The following ZNF106 variants were observed in gnomAD, a reference collection of about 807,000 sequenced individuals.
ZNF106 encodes the protein zinc finger protein 106.
In ZNF106, 67 loss-of-function variants were observed where a neutral mutation model predicts 195.1. The ratio of observed to expected loss-of-function variants is 0.34; its 90% CI spans 0.28 to 0.42. The LOEUF is 0.42. Among genes scored for constraint, ZNF106 ranks in the 10% least tolerant of loss-of-function variants. ZNF106 has a pLI of 1.00. For synonymous variants in ZNF106, 784 were observed against 818.6 expected (o/e 0.96, Z 0.72); for missense variants, 2,118 against 2,304.5 (o/e 0.92, Z 1.66).
At chr15:42,457,468 C>T (rs1052707579) in intron 3 of ZNF106, 50 of 1,236,582 alleles carry the variant, frequency 4.0e-5, no homozygotes, top group South Asian at 1.3e-4. Context: ...AAAGGGGAGG[C>T]AGGGCAGGGG....
intron 2 of ZNF106, among the ~76,000 whole-genome samples, chr15:42,467,812 AAAAC>A (rs1156429989): frequency 1.3e-5 from 2 of 152,138 alleles, no homozygotes; most frequent in Admixed American, 1.3e-4. Flanking sequence ...TCTGTCTCAA[AAAAC>A]AAACAAACAA....
chr15:42,476,768 C>T (rs1332016596), intron 1 of ZNF106, among the ~76,000 whole-genome samples: 5 of 152,094 alleles, frequency 3.3e-5, no homozygotes. Context: ...GTAGCAGAGG[C>T]AGAGAAAAAT....
chr15:42,490,502 C>T (rs1193727536), intron 1 of ZNF106: 2 of 152,142 alleles, frequency 1.3e-5, no homozygotes, highest in Non-Finnish European at 2.9e-5. Context: ...TAAACGGACA[C>T]AGTAAGCTGT....
At chr15:42,477,665 G>C (rs980815011) in intron 1 of ZNF106, among the ~76,000 whole-genome samples, 1 of 152,118 alleles carries the variant, frequency 6.6e-6, no homozygotes, top group African/African-American at 2.4e-5. Flanking sequence ...GAGGCAGGTG[G>C]ATCACCTGAG....
chr15:42,471,110 T>C (rs184351593), intron 2 of ZNF106, among the ~76,000 whole-genome samples: 4 of 152,314 alleles, frequency 2.6e-5, no homozygotes, highest in Admixed American at 1.3e-4. Context: ...AGATGAGCCT[T>C]CTTGCCAACT....
chr15:42,480,677 T>C (rs1595498305), intron 1 of ZNF106, among the ~76,000 whole-genome samples: 1 of 152,268 alleles, frequency 6.6e-6, no homozygotes, highest in Middle Eastern at 3.4e-3. Flanking sequence ...ACCATTATAC[T>C]CTTTACTGTG....
chr15:42,444,140 C>T, intron 9 of ZNF106, 62 bp downstream of exon 9: 1 of 540,228 alleles, frequency 1.9e-6, no homozygotes, highest in Non-Finnish European at 2.9e-6. Context: ...AAAAAAAAAG[C>T]AGAGAAAACA....
At chr15:42,490,756 C>G (rs1238000160) in intron 1 of ZNF106, among the ~76,000 whole-genome samples, 2 of 152,174 alleles carry the variant, frequency 1.3e-5, no homozygotes, top group Non-Finnish European at 2.9e-5. Context: ...GGGAGCAGAG[C>G]TGGAACGCCC....
At chr15:42,489,309 C>G (rs2057088060) in intron 1 of ZNF106, among the ~76,000 whole-genome samples, 2 of 151,844 alleles carry the variant, frequency 1.3e-5, no homozygotes, top group Admixed American at 1.3e-4. Flanking sequence ...TCCCAAGTAG[C>G]TGGAATTACA....
chr15:42,487,382 G>A (rs1209404209), intron 1 of ZNF106, among the ~76,000 whole-genome samples: 1 of 146,262 alleles, frequency 6.8e-6, no homozygotes, highest in East Asian at 2.0e-4. Context: ...CAGCTACTAA[G>A]AAGGCTGAGG....
At chr15:42,456,564 A>G (rs1595476437) in intron 4 of ZNF106, among the ~76,000 whole-genome samples, 2 of 152,148 alleles carry the variant, frequency 1.3e-5, no homozygotes, top group South Asian at 4.2e-4. Context: ...AGGCAGGAGA[A>G]TTGCTTGAAC....
intron 1 of ZNF106, among the ~76,000 whole-genome samples, chr15:42,485,255 T>C (rs2056986735): frequency 6.6e-6 from 1 of 152,228 alleles, no homozygotes; most frequent in East Asian, 1.9e-4. Context: ...GAACATCTTC[T>C]GGGACATTAG....
chr15:42,435,999 G>C (rs2055259488), intron 13 of ZNF106, among the ~76,000 whole-genome samples: 1 of 151,380 alleles, frequency 6.6e-6, no homozygotes, highest in African/African-American at 2.4e-5. Flanking sequence ...TGTCCCCCAG[G>C]CTGGAGTGCA....
intron 1 of ZNF106, chr15:42,490,430 A>C (rs2057126977): frequency 6.6e-6 from 1 of 152,216 alleles, no homozygotes; most frequent in Admixed American, 6.5e-5. Context: ...ACAAATTGAA[A>C]GGGGAAGAGG....
intron 9 of ZNF106, among the ~76,000 whole-genome samples, chr15:42,443,881 C>T (rs541829775): frequency 8.6e-5 from 13 of 151,782 alleles, no homozygotes; most frequent in African/African-American, 3.1e-4. Context: ...CTGAGGCAGG[C>T]GGATCACCTG....
At chr15:42,436,426 T>C (rs532893280) in intron 13 of ZNF106, among the ~76,000 whole-genome samples, 2 of 152,234 alleles carry the variant, frequency 1.3e-5, no homozygotes, top group African/African-American at 4.8e-5. Context: ...TTCGTGTTAA[T>C]CCTCATATCA....
At chr15:42,434,633 A>C (rs1462455289) in intron 14 of ZNF106, among the ~76,000 whole-genome samples, 2 of 152,222 alleles carry the variant, frequency 1.3e-5, no homozygotes, top group Non-Finnish European at 2.9e-5. Context: ...CCATCTTTTA[A>C]AGAAATTAAA....
Position 42,417,183 on chromosome 15 carries a change from CT to C in ZNF106, c.*120del, listed in dbSNP as rs1031902674. 5.8e-6 allele frequency: 6 copies of C among 1,039,076 alleles called. No individual in the cohort carries two copies. In the East Asian group the frequency reaches 1.0e-4, roughly 18 times the overall value. The allele number at this position is 1,039,076 out of a possible 1,614,324, so 64.4% of individuals were successfully genotyped here. ...GCCCAGACTTATGCTAGGGGTATGC[CT>C]GGCTAGTAACCACTTTCTCCTTCCT... On this transcript the variant is annotated 3_prime_UTR_variant, in exon 22 of 22. Coordinates refer to ENST00000564754, the MANE Select transcript of ZNF106 (RefSeq NM_001366845.3).
chr15:42,480,613 A>G (rs1445872805), intron 1 of ZNF106, among the ~76,000 whole-genome samples: 1 of 152,166 alleles, frequency 6.6e-6, no homozygotes, highest in Non-Finnish European at 1.5e-5. Context: ...ACTTCTTTGC[A>G]TGATTATATT....
Sources: allele counts gnomAD v4.1 joint callset (sites outside exome capture counted in the v4.1 genomes callset), GRCh38; gene constraint gnomAD v4.1.1; transcripts MANE v1.5; gene names NCBI Gene and HGNC (gene_info 2026-07-23, HGNC 2026-07-21).